Variants in USH2A observed in about 807,000 individuals in gnomAD.
USH2A encodes the protein Usher syndrome 2A (autosomal recessive, mild).
A neutral mutation model predicts 538.9 loss-of-function variants in USH2A; 443 were observed. That is an observed-to-expected ratio of 0.82 (90% CI 0.76 to 0.89). The LOEUF is 0.89. Ranked by LOEUF, USH2A falls within the 40% of genes least tolerant of loss-of-function variation. The pLI, the probability that USH2A is intolerant of heterozygous loss-of-function variation, is 0.00. For synonymous variants in USH2A, 2,413 were observed against 2,273.5 expected, an observed-to-expected ratio of 1.06 and a Z score of -1.75; for missense variants, 6,633 against 6,324.8, an observed-to-expected ratio of 1.05 and a Z score of -1.65.
At chr1:215,973,656 C>CTTTTTTTTTTTTTTTTT (rs750306238) in intron 35 of USH2A, among the ~76,000 whole-genome samples, 4 of 130,960 alleles carry the variant, frequency 3.1e-5, no homozygotes, top group African/African-American at 1.2e-4. Flanking sequence ...TCTTCTTCTT[C>CTTTTTTTTTTTTTTTTT]TTTTTTTTTT....
intron 50 of USH2A, among the ~76,000 whole-genome samples, chr1:215,795,866 C>G (rs1008243502): frequency 6.6e-6 from 1 of 152,116 alleles, no homozygotes; most frequent in African/African-American, 2.4e-5. Context: ...TTGAGGACCC[C>G]AAATACCTTT....
chr1:215,625,926 A>T (rs1016099060), intron 71 of USH2A, 56 bp from the exon 72 acceptor site: 133 of 1,505,294 alleles, frequency 8.8e-5, no homozygotes, highest in Non-Finnish European at 1.1e-4. Context: ...AGTATTTGCT[A>T]TCAATTTATA....
chr1:215,876,513 T>G (rs908861157), intron 43 of USH2A, among the ~76,000 whole-genome samples: 1 of 152,224 alleles, frequency 6.6e-6, no homozygotes, highest in Non-Finnish European at 1.5e-5. Flanking sequence ...TAGGGCACTA[T>G]GTGCTGGTAT....
At position 215,758,710 on chromosome 1, in the gene USH2A, A is replaced by T. The variant is rs760534344; in HGVS notation, c.11274T>A (p.Ser3758Arg). 4 of 1,614,022 alleles carry T rather than the reference A, an allele frequency of 2.5e-6. No homozygotes were observed. In the South Asian group the frequency reaches 4.4e-5, roughly 18 times the overall value. The stretch of plus-strand genomic sequence containing the variant: ...TTTGAACAATGTAATCATCACTAGC[A>T]CTGCTGCCACCTCCAGTTTTGACTT... ...KLEVKTGGGS[S>R]ASDDYIVQTP... Residue 3758 changes from serine (S) to arginine (R), a missense_variant, in exon 58 of 72, where the codon AGT becomes AGA. Ser to Arg is a moderately radical substitution (Grantham distance 110). Coordinates refer to ENST00000307340, the MANE Select transcript of USH2A (RefSeq NM_206933.4).
At chr1:216,078,411 A>G in intron 26 of USH2A, 49 bp from the exon 27 acceptor site, 1 of 1,576,962 alleles carries the variant, frequency 6.3e-7, no homozygotes, top group Non-Finnish European at 8.7e-7. Context: ...AGGCTGCAGA[A>G]GGGCAGTTTG....
chr1:215,832,496 T>G (rs1335952403), intron 47 of USH2A, among the ~76,000 whole-genome samples: 1 of 151,966 alleles, frequency 6.6e-6, no homozygotes, highest in Non-Finnish European at 1.5e-5. Context: ...TCAGTAAATA[T>G]AATCGATCAT....
chr1:215,877,697 AC>A lies in USH2A; in HGVS notation c.8681+60del. ...CAATGAAGACACTGAGATACTTTGAACTATTCAACATGCCCAGAACTAAATG... is the reference window on the plus strand; with the variant it reads ...CAATGAAGACACTGAGATACTTTGAATATTCAACATGCCCAGAACTAAATG... On this transcript the variant is annotated intron_variant, in intron 43 of 71. Transcript: ENST00000307340. The A allele has an allele frequency of 1.9e-6, 3 of 1,609,120 alleles. No individual in the cohort carries two copies. The South Asian group carries it at 3.3e-5, about 18-fold the overall frequency.
chr1:215,751,547 T>G (rs992839809), intron 58 of USH2A, among the ~76,000 whole-genome samples: 3 of 152,128 alleles, frequency 2.0e-5, no homozygotes, highest in Non-Finnish European at 4.4e-5. Flanking sequence ...ATGTTTAGAT[T>G]CTTAAACAGC....
chr1:215,692,610 C>T (rs1287897848), intron 61 of USH2A, among the ~76,000 whole-genome samples: 2 of 152,060 alleles, frequency 1.3e-5, no homozygotes, highest in Non-Finnish European at 2.9e-5. Flanking sequence ...GTATTTTATA[C>T]CCACAGCAAC....
intron 44 of USH2A, among the ~76,000 whole-genome samples, chr1:215,851,296 A>T (rs1291903692): frequency 1.3e-5 from 2 of 152,170 alleles, no homozygotes; most frequent in Non-Finnish European, 2.9e-5. Flanking sequence ...TTGACAGACC[A>T]TGTAGGAAGA....
chr1:215,772,948 T>C (rs1661336929), intron 55 of USH2A, among the ~76,000 whole-genome samples: 2 of 152,192 alleles, frequency 1.3e-5, no homozygotes, highest in African/African-American at 4.8e-5. Flanking sequence ...TGCGGGTAAG[T>C]CATCTGTCCT....
chr1:216,040,934 C>A (rs193267930), intron 32 of USH2A, among the ~76,000 whole-genome samples: 55 of 151,768 alleles, frequency 3.6e-4, no homozygotes, highest in Non-Finnish European at 6.9e-4. Flanking sequence ...ATTAATTGAA[C>A]CTATACTTTT....
At chr1:215,919,433 T>C (rs1666040362) in intron 38 of USH2A, among the ~76,000 whole-genome samples, 1 of 152,090 alleles carries the variant, frequency 6.6e-6, no homozygotes, top group Admixed American at 6.6e-5. Context: ...AAGCAGACTC[T>C]GATTGTATAA....
chr1:215,785,220 T>C (rs1661764962), intron 52 of USH2A, among the ~76,000 whole-genome samples: 1 of 152,184 alleles, frequency 6.6e-6, no homozygotes, highest in South Asian at 2.1e-4. Context: ...GCTAGTGAGC[T>C]TTGTGAACAA....
chr1:215,714,152 T>G (rs1035946293), intron 61 of USH2A, among the ~76,000 whole-genome samples: 2 of 152,248 alleles, frequency 1.3e-5, no homozygotes, highest in African/African-American at 4.8e-5. Flanking sequence ...CATACAGATT[T>G]CCTTTTAGGT....
At chr1:215,629,153 A>T (rs1656175345) in intron 70 of USH2A, 118 bp from the exon 71 acceptor site, 2 of 1,093,246 alleles carry the variant, frequency 1.8e-6, no homozygotes, top group African/African-American at 3.1e-5. Context: ...GACAATTGTC[A>T]CATTGTCAAT....
intron 40 of USH2A, among the ~76,000 whole-genome samples, chr1:215,894,622 TCTAA>T (rs1665280181): frequency 1.3e-5 from 2 of 152,162 alleles, no homozygotes; most frequent in African/African-American, 4.8e-5. Context: ...CAGAAGCCTC[TCTAA>T]CTAGAACATT....
chr1:216,281,162 A>C, intron 11 of USH2A, among the ~76,000 whole-genome samples: 1 of 152,184 alleles, frequency 6.6e-6, no homozygotes, highest in Non-Finnish European at 1.5e-5. Context: ...GAAAATAATA[A>C]AAATTAAGAT....
chr1:216,015,069 C>G (rs1668672713), intron 32 of USH2A, among the ~76,000 whole-genome samples: 1 of 152,164 alleles, frequency 6.6e-6, no homozygotes. Flanking sequence ...AAATTAAAAA[C>G]ACAGCTTTTT....
Sources: gnomAD v4.1 joint callset for allele counts (sites outside exome capture counted in the v4.1 genomes callset) on GRCh38, gnomAD v4.1.1 for gene constraint, MANE v1.5 for transcripts, NCBI Gene and HGNC (gene_info 2026-07-23, HGNC 2026-07-21) for gene names.